Variants in TRIM24 observed in about 807,000 individuals in gnomAD.
The protein encoded by TRIM24 is tripartite motif containing 24, also known as transcription intermediary factor 1-alpha.
A neutral mutation model predicts 123.9 loss-of-function variants in TRIM24; 29 were observed. That is an observed-to-expected ratio of 0.23 (90% CI 0.17 to 0.32). TRIM24 has a LOEUF of 0.32. Among genes scored for constraint, TRIM24 ranks in the 10% least tolerant of loss-of-function variants. TRIM24 has a pLI of 1.00. For missense variants in TRIM24, 932 were observed against 1,295.3 expected (o/e 0.72, Z 4.31); for synonymous variants, 456 against 461.1 (o/e 0.99, Z 0.14).
At chr7:138,571,036 T>C (rs1354216396) in intron 11 of TRIM24, 33 bp downstream of exon 11, 14 of 1,607,994 alleles carry the variant, frequency 8.7e-6, no homozygotes, top group Non-Finnish European at 1.1e-5. Flanking sequence ...CTAGCCTCTG[T>C]TGAAAACTGT....
At chr7:138,536,664 G>T (rs1254015633) in intron 6 of TRIM24, among the ~76,000 whole-genome samples, 1 of 152,190 alleles carries the variant, frequency 6.6e-6, no homozygotes, top group East Asian at 1.9e-4. Context: ...TGGGGGTTAG[G>T]GACCCACTTG....
At chr7:138,520,703 C>T (rs1319242550) in intron 4 of TRIM24, among the ~76,000 whole-genome samples, 2 of 151,962 alleles carry the variant, frequency 1.3e-5, no homozygotes, top group Non-Finnish European at 2.9e-5. Flanking sequence ...AGAAAGAAAA[C>T]CCTAAAAATT....
chr7:138,530,648 T>G (rs997517819), intron 6 of TRIM24, among the ~76,000 whole-genome samples: 2 of 151,682 alleles, frequency 1.3e-5, no homozygotes, highest in Non-Finnish European at 2.9e-5. Context: ...TTTTTTTTTT[T>G]AAGAGGGGGG....
chr7:138,538,793 G>A lies in TRIM24; in HGVS notation c.1133G>A (p.Ser378Asn). The change falls in exon 7 of 19, where the codon AGC becomes AAC. Residue 378 changes from serine to asparagine, a missense_variant. Coordinates refer to ENST00000343526, the MANE Select transcript of TRIM24 (RefSeq NM_015905.3). ...GGCAGCAGTACAGCATTACTTTATA[G>A]CAAACGACTGGTAAGATAAAGTATG... ...SSGSSTALLYSKRLITYRLRH... is the reference protein window; with the variant it reads ...SSGSSTALLYNKRLITYRLRH... 6.2e-7 allele frequency: 1 copy of A among 1,612,688 alleles called. No individual in the cohort carries two copies. The highest frequency in any genetic ancestry group is 8.5e-7 in the Non-Finnish European group (1 of 1,179,294).
chr7:138,546,011 G>T (rs1797094409), intron 7 of TRIM24, among the ~76,000 whole-genome samples: 1 of 152,204 alleles, frequency 6.6e-6, no homozygotes, highest in Admixed American at 6.5e-5. Context: ...AAGCACATTT[G>T]ACCACTATCA....
At chr7:138,480,046 T>G (rs1795494004) in intron 1 of TRIM24, among the ~76,000 whole-genome samples, 1 of 151,962 alleles carries the variant, frequency 6.6e-6, no homozygotes, top group Admixed American at 6.6e-5. Flanking sequence ...CTCAAACTCC[T>G]GAACTCAGGT....
intron 1 of TRIM24, among the ~76,000 whole-genome samples, chr7:138,481,916 G>A (rs1400754203): frequency 6.6e-6 from 1 of 152,136 alleles, no homozygotes; most frequent in Non-Finnish European, 1.5e-5. Flanking sequence ...TGTATGGTGA[G>A]GTTGCAGTCC....
At position 138,460,316 on chromosome 7, in the gene TRIM24, C is replaced by G. The variant is rs1178266247; in HGVS notation, c.-233C>G. ...CGGACGGGGTGCAGCCTCCCCGGTGCGAGGAACGGTCTCCGCTGACAGATA... is the reference window on the plus strand; with the variant it reads ...CGGACGGGGTGCAGCCTCCCCGGTGGGAGGAACGGTCTCCGCTGACAGATA... On this transcript the variant is annotated 5_prime_UTR_variant, in exon 1 of 19. Transcript: ENST00000343526. 2 of 404,864 alleles carry G rather than the reference C, an allele frequency of 4.9e-6. No homozygotes were observed. The highest frequency in any genetic ancestry group is 9.0e-5 in the Admixed American group (2 of 22,116). 25.1% of individuals were successfully genotyped at this position (404,864 alleles called of 1,614,324 possible). A position where few individuals can be genotyped will look rare whatever the true frequency, so the allele number is the denominator to read the frequency against.
intron 4 of TRIM24, among the ~76,000 whole-genome samples, chr7:138,523,994 G>A (rs886862568): frequency 1.8e-4 from 27 of 152,066 alleles, no homozygotes; most frequent in African/African-American, 6.3e-4. Context: ...CTTAAATCTC[G>A]TAGTATTGTC....
At chr7:138,486,940 T>G (rs1425839415) in intron 1 of TRIM24, among the ~76,000 whole-genome samples, 1 of 152,186 alleles carries the variant, frequency 6.6e-6, no homozygotes, top group Non-Finnish European at 1.5e-5. Context: ...GTATGGCCAA[T>G]TTCACAATAT....
chr7:138,532,414 A>G (rs1048764001), intron 6 of TRIM24, among the ~76,000 whole-genome samples: 2 of 152,216 alleles, frequency 1.3e-5, no homozygotes, highest in African/African-American at 4.8e-5. Flanking sequence ...GAAGGGATCC[A>G]GTTTCAGCTT....
chr7:138,538,582 T>C, intron 6 of TRIM24, 75 bp from the exon 7 acceptor site: 1 of 1,461,208 alleles, frequency 6.8e-7, no homozygotes. Flanking sequence ...TATTCTAATT[T>C]GTTTACCTGG....
At chr7:138,551,870 CTT>C (rs964481630) in intron 8 of TRIM24, among the ~76,000 whole-genome samples, 2 of 152,088 alleles carry the variant, frequency 1.3e-5, no homozygotes, top group Non-Finnish European at 2.9e-5. Context: ...TTAGGGAAGA[CTT>C]TTAGTTTTCT....
intron 6 of TRIM24, among the ~76,000 whole-genome samples, chr7:138,533,575 A>C (rs1256396500): frequency 2.0e-5 from 3 of 152,192 alleles, no homozygotes; most frequent in Admixed American, 6.5e-5. Context: ...CCACTTGATC[A>C]TGGTGAATAA....
intron 7 of TRIM24, chr7:138,545,612 C>A (rs1412247182): frequency 4.5e-6 from 2 of 445,318 alleles, no homozygotes; most frequent in Non-Finnish European, 9.0e-6. Context: ...ATATGTCCAT[C>A]TGTATGTGTG....
chr7:138,516,346 C>T (rs1796395616), intron 3 of TRIM24, among the ~76,000 whole-genome samples: 1 of 152,140 alleles, frequency 6.6e-6, no homozygotes, highest in African/African-American at 2.4e-5. Flanking sequence ...CTTCCCCTAG[C>T]TCCTAGTAAC....
chr7:138,532,205 A>C (rs1385942019), intron 6 of TRIM24, among the ~76,000 whole-genome samples: 1 of 151,548 alleles, frequency 6.6e-6, no homozygotes, highest in Non-Finnish European at 1.5e-5. Flanking sequence ...GCTGTGTAGA[A>C]GCTCTTTAGT....
At chr7:138,464,461 G>A (rs1795087828) in intron 1 of TRIM24, among the ~76,000 whole-genome samples, 2 of 151,902 alleles carry the variant, frequency 1.3e-5, no homozygotes, top group South Asian at 4.1e-4. Context: ...GGGGTAAAAT[G>A]GTAGGAAATG....
At chr7:138,536,300 T>C (rs1796872309) in intron 6 of TRIM24, among the ~76,000 whole-genome samples, 1 of 152,252 alleles carries the variant, frequency 6.6e-6, no homozygotes, top group South Asian at 2.1e-4. Context: ...CTCTGATTTT[T>C]AGAATTTTCA....
Sources: gnomAD v4.1 joint callset for allele counts (sites outside exome capture counted in the v4.1 genomes callset) on GRCh38, gnomAD v4.1.1 for gene constraint, MANE v1.5 for transcripts, NCBI Gene and HGNC (gene_info 2026-07-23, HGNC 2026-07-21) for gene names.